Variants in DCAF1 observed in about 807,000 individuals in gnomAD.
The protein encoded by DCAF1 is DDB1- and CUL4-associated factor 1.
Under a neutral mutation model 128.0 loss-of-function variants are expected in DCAF1, and 15 were observed. The observed-to-expected ratio is 0.12, with a 90% CI of 0.08 to 0.18. The LOEUF (loss-of-function observed/expected upper bound fraction) is 0.18. DCAF1 is among the 10% of genes least tolerant of loss of function. The pLI is 1.00. For missense variants in DCAF1, 988 were observed against 1,649.5 expected, an observed-to-expected ratio of 0.60 and a Z score of 6.95; for synonymous variants, 610 against 603.0, an observed-to-expected ratio of 1.01 and a Z score of -0.17.
At chr3:51,413,095 A>G (rs782372497) in intron 21 of DCAF1, 29 bp from the exon 22 acceptor site, 1 of 1,613,212 alleles carries the variant, frequency 6.2e-7, no homozygotes, top group Non-Finnish European at 8.5e-7. Flanking sequence ...GAAGATTGGG[A>G]TTGGACTATT....
chr3:51,502,881 C>T (rs1708852735), upstream of DCAF1, among the ~76,000 whole-genome samples: 1 of 152,216 alleles, frequency 6.6e-6, no homozygotes, highest in Non-Finnish European at 1.5e-5. Context: ...CCCAACTGCA[C>T]ACGCATTCCA....
At chr3:51,458,384 C>T (rs1703158677) in intron 6 of DCAF1, among the ~76,000 whole-genome samples, 1 of 152,082 alleles carries the variant, frequency 6.6e-6, no homozygotes, top group African/African-American at 2.4e-5. Flanking sequence ...TATATATGCA[C>T]CCAATACAGG....
Position 51,441,917 on chromosome 3 carries a change from G to T in DCAF1, c.514-20C>A, listed in dbSNP as rs781909632. 3 of 1,558,948 alleles carry T rather than the reference G, an allele frequency of 1.9e-6. No individual in the cohort carries two copies. Among genetic ancestry groups the T allele is most frequent in the Non-Finnish European group, 2.6e-6 (3 of 1,164,400 alleles). On this transcript the variant is annotated intron_variant, in intron 7 of 24. Transcript: ENST00000684031. ...TGCCACCTATCAACAGATAATTGGA[G>T]AAAAAGGGGGTGCCTCTTTATTAAG... is the stretch of plus-strand genomic sequence containing the variant.
chr3:51,466,401 T>TA (rs1295754197), intron 5 of DCAF1, among the ~76,000 whole-genome samples: 1 of 152,104 alleles, frequency 6.6e-6, no homozygotes, highest in Non-Finnish European at 1.5e-5. Flanking sequence ...AGGAGCTGAG[T>TA]AAAATATGTA....
intron 6 of DCAF1, among the ~76,000 whole-genome samples, chr3:51,454,683 G>GT (rs1383598481): frequency 2.5e-4 from 38 of 150,762 alleles, no homozygotes; most frequent in African/African-American, 6.1e-4. Context: ...GTTTTGTTTT[G>GT]TTTTTTTTGA....
chr3:51,443,994 T>G lies in DCAF1; in HGVS notation c.376-91A>C, dbSNP rs1701605280. 4 of 1,288,194 alleles carry G rather than the reference T, an allele frequency of 3.1e-6. No individual in the cohort carries two copies. The African/African-American group carries it at 4.5e-5, about 14-fold the overall frequency. 79.8% of individuals were successfully genotyped at this position (1,288,194 alleles called of 1,614,324 possible). On this transcript the variant is annotated intron_variant, in intron 6 of 24. Transcript: ENST00000684031. The stretch of plus-strand genomic sequence containing the variant: ...AAGATTTCAGTCTCATGAAAAAAAT[T>G]TTAATATTTCAATGTTCGTAAGAGT...
At chr3:51,439,715 G>T (rs573754156) in intron 9 of DCAF1, among the ~76,000 whole-genome samples, 1 of 151,972 alleles carries the variant, frequency 6.6e-6, no homozygotes, top group Non-Finnish European at 1.5e-5. Flanking sequence ...TTTGTGGCCA[G>T]GCGTGATGGC....
intron 2 of DCAF1, among the ~76,000 whole-genome samples, chr3:51,491,715 G>A (rs193263310): frequency 2.4e-4 from 37 of 151,494 alleles, no homozygotes; most frequent in Middle Eastern, 3.4e-3. Flanking sequence ...GCATGGTGGC[G>A]CGCCTGTAAC....
At chr3:51,438,515 C>T (rs1701063828) in intron 9 of DCAF1, among the ~76,000 whole-genome samples, 1 of 152,128 alleles carries the variant, frequency 6.6e-6, no homozygotes, top group Non-Finnish European at 1.5e-5. Context: ...GTCTAGCTAA[C>T]AATTATTTTC....
upstream of DCAF1, among the ~76,000 whole-genome samples, chr3:51,502,969 A>G (rs1438874587): frequency 2.0e-5 from 3 of 152,250 alleles, no homozygotes; most frequent in African/African-American, 7.2e-5. Flanking sequence ...TTAGGCACCC[A>G]GTCCTCACAA....
intron 22 of DCAF1, 73 bp from the exon 23 acceptor site, chr3:51,412,553 T>A: frequency 6.2e-7 from 1 of 1,600,352 alleles, no homozygotes. Flanking sequence ...CAGCCCTGAC[T>A]GGTGCCCATG....
chr3:51,435,660 G>C (rs368641434), intron 9 of DCAF1, among the ~76,000 whole-genome samples: 7 of 148,022 alleles, frequency 4.7e-5, no homozygotes, highest in East Asian at 3.9e-4. Context: ...GCAGTGAGCA[G>C]AGATCATGCC....
intron 7 of DCAF1, among the ~76,000 whole-genome samples, chr3:51,443,085 TG>T (rs553040589): frequency 6.6e-6 from 1 of 151,136 alleles, no homozygotes; most frequent in South Asian, 2.1e-4. Context: ...TAAAATTTGA[TG>T]GGGGGGAGGG....
chr3:51,480,181 G>A (rs1553652288), intron 3 of DCAF1, among the ~76,000 whole-genome samples: 2 of 151,772 alleles, frequency 1.3e-5, no homozygotes. Context: ...GTCAGTGAAG[G>A]TTTTACAGAC....
chr3:51,462,830 G>A (rs1031607298), intron 6 of DCAF1, among the ~76,000 whole-genome samples: 2 of 151,374 alleles, frequency 1.3e-5, no homozygotes, highest in African/African-American at 2.4e-5. Flanking sequence ...GCTGGGCGCA[G>A]AGGCTCACGA....
chr3:51,442,572 G>A lies in DCAF1; in HGVS notation c.514-675C>T, dbSNP rs547580321. Among the ~76,000 whole-genome samples the A allele has an allele frequency of 5.3e-5, 8 of 152,064 alleles. No individual in the cohort carries two copies. The East Asian group carries it at 5.8e-4, about 11-fold the overall frequency. ...AAATTTCCAGGGTGTGGAGGTGCTC[G>A]CCTGTAATCCCAGCTACTCGGGAGG... On this transcript the variant is annotated intron_variant, in intron 7 of 24. Coordinates refer to ENST00000684031, the MANE Select transcript of DCAF1 (RefSeq NM_001387579.1).
At chr3:51,432,158 C>A (rs1700446079) in intron 10 of DCAF1, among the ~76,000 whole-genome samples, 1 of 149,788 alleles carries the variant, frequency 6.7e-6, no homozygotes, top group Admixed American at 6.7e-5. Context: ...GTAATCCCAG[C>A]TACTTGGGAG....
intron 24 of DCAF1, 66 bp downstream of exon 24, chr3:51,403,077 T>C: frequency 6.5e-7 from 1 of 1,534,622 alleles, no homozygotes; most frequent in Non-Finnish European, 8.8e-7. Context: ...CTAAGTTGTA[T>C]GGGCACAAAA....
chr3:51,471,000 G>C lies in DCAF1; in HGVS notation c.116C>G (p.Ser39Cys). Reference protein sequence around the residue: ...QDMVPILTRMSQLIEKETEEY... With the variant: ...QDMVPILTRMCQLIEKETEEY... The stretch of plus-strand genomic sequence containing the variant: ...TTCAGTTTCTTTTTCAATCAATTGA[G>C]ACATCCTAGCACAAAGGAAACAAGG... The change falls in exon 4 of 25, where the codon TCT (serine) becomes TGT (cysteine). Residue 39 changes from serine (S) to cysteine (C), a missense_variant. By Grantham distance (112) the Ser-to-Cys change is moderately radical. Transcript: ENST00000684031. 6.2e-7 allele frequency: 1 copy of C among 1,606,294 alleles called. No homozygotes were observed. The highest frequency in any genetic ancestry group is 8.5e-7 in the Non-Finnish European group (1 of 1,175,032).
Sources: gnomAD v4.1 joint callset for allele counts (sites outside exome capture counted in the v4.1 genomes callset) on GRCh38, gnomAD v4.1.1 for gene constraint, MANE v1.5 for transcripts, NCBI Gene and HGNC (gene_info 2026-07-23, HGNC 2026-07-21) for gene names.